TMEM181: variants seen among roughly 807,000 people sequenced by gnomAD.
TMEM181 encodes G protein-coupled receptor 178.
TMEM181 carries 39 observed loss-of-function variants against 71.9 expected under a neutral mutation model. The observed-to-expected ratio is 0.54, with a 90% CI of 0.42 to 0.71. The LOEUF is 0.71. Ranked by LOEUF, TMEM181 falls within the 30% of genes least tolerant of loss-of-function variation. The probability of loss-of-function intolerance (pLI) is 0.00; values close to 1 mark genes in which losing one functional copy is unlikely to be tolerated. For missense variants in TMEM181, 595 were observed against 583.0 expected, an observed-to-expected ratio of 1.02 and a Z score of -0.21; for synonymous variants, 245 against 228.8, an observed-to-expected ratio of 1.07 and a Z score of -0.64.
At chr6:158,554,267 G>A (rs557733851) in intron 1 of TMEM181, among the ~76,000 whole-genome samples, 53 of 152,114 alleles carry the variant, frequency 3.5e-4, no homozygotes, top group Admixed American at 2.5e-3. Context: ...TGTATTTTTA[G>A]TAGAGACGAG....
intron 10 of TMEM181, among the ~76,000 whole-genome samples, chr6:158,615,742 A>G (rs1166383861): frequency 1.3e-5 from 2 of 152,202 alleles, no homozygotes; most frequent in African/African-American, 2.4e-5. Flanking sequence ...CAAATAGGGA[A>G]TCCTTTCCCC....
At chr6:158,591,159 G>A (rs998898924) in intron 6 of TMEM181, among the ~76,000 whole-genome samples, 3 of 152,192 alleles carry the variant, frequency 2.0e-5, no homozygotes, top group African/African-American at 7.2e-5. Flanking sequence ...TACACAAAAT[G>A]AGTTTTTTTC....
intron 3 of TMEM181, 95 bp downstream of exon 3, chr6:158,581,090 T>A (rs1205272889): frequency 1.7e-6 from 2 of 1,202,226 alleles, no homozygotes; most frequent in Non-Finnish European, 2.4e-6. Flanking sequence ...TAAGGTAGCC[T>A]TCCCTTGCCT....
chr6:158,631,486 G>A, intron 16 of TMEM181, 97 bp downstream of exon 16: 1 of 1,337,520 alleles, frequency 7.5e-7, no homozygotes. Context: ...TTATTTTCAA[G>A]GTATGAAGGC....
intron 1 of TMEM181, 24 bp downstream of exon 1, chr6:158,560,256 G>C: frequency 2.0e-6 from 2 of 984,266 alleles, no homozygotes; most frequent in Non-Finnish European, 2.4e-6. Context: ...CGAGCGGGCG[G>C]GCTGGCTGGC....
chr6:158,625,269 G>C (rs998184112), intron 12 of TMEM181, 63 bp downstream of exon 12: 6 of 1,430,054 alleles, frequency 4.2e-6, no homozygotes, highest in Non-Finnish European at 4.9e-6. Context: ...GGGGGAAGAA[G>C]TGGTTGGAGT....
intron 6 of TMEM181, among the ~76,000 whole-genome samples, chr6:158,592,393 C>T (rs138840160): frequency 7.9e-5 from 12 of 152,192 alleles, no homozygotes; most frequent in Non-Finnish European, 1.6e-4. Flanking sequence ...GCCTGTAATC[C>T]CAGCACTTTG....
intron 6 of TMEM181, among the ~76,000 whole-genome samples, chr6:158,599,936 A>G (rs560647228): frequency 2.3e-4 from 35 of 152,292 alleles, no homozygotes; most frequent in African/African-American, 7.5e-4. Flanking sequence ...GAGTCAGAAC[A>G]TGTGGAAATG....
chr6:158,588,821 C>T (rs1282505528), intron 5 of TMEM181, among the ~76,000 whole-genome samples: 2 of 152,236 alleles, frequency 1.3e-5, no homozygotes, highest in East Asian at 3.8e-4. Flanking sequence ...ACATTCGAGG[C>T]TTGACCAGTC....
chr6:158,550,883 C>T (rs1781698731), intron 1 of TMEM181, among the ~76,000 whole-genome samples: 1 of 108,940 alleles, frequency 9.2e-6, no homozygotes. Flanking sequence ...GAGTGAGACT[C>T]TGTCTCAGGA....
At chr6:158,549,176 G>A (rs1365607702) in intron 1 of TMEM181, among the ~76,000 whole-genome samples, 1 of 148,456 alleles carries the variant, frequency 6.7e-6, no homozygotes, top group Non-Finnish European at 1.5e-5. Context: ...GGAGCCCAGT[G>A]GCGCGATCAC....
chr6:158,582,379 G>C (rs752899060), intron 3 of TMEM181, among the ~76,000 whole-genome samples: 1 of 152,174 alleles, frequency 6.6e-6, no homozygotes, highest in Non-Finnish European at 1.5e-5. Context: ...TTCCTGCCTT[G>C]ATGGTTTTTA....
At chr6:158,600,319 T>C (rs537012533) in intron 6 of TMEM181, among the ~76,000 whole-genome samples, 1 of 150,984 alleles carries the variant, frequency 6.6e-6, no homozygotes, top group East Asian at 2.0e-4. Context: ...CGCCACCACG[T>C]CTCTGTTTTT....
At chr6:158,537,208 C>T (rs1027409451) in intron 1 of TMEM181, among the ~76,000 whole-genome samples, 13 of 152,156 alleles carry the variant, frequency 8.5e-5, no homozygotes, top group African/African-American at 3.1e-4. Flanking sequence ...CGCCCCGCGT[C>T]GTTCTCCCCC....
chr6:158,631,088 C>T (rs965916181), intron 15 of TMEM181, among the ~76,000 whole-genome samples: 4 of 152,216 alleles, frequency 2.6e-5, no homozygotes, highest in Non-Finnish European at 5.9e-5. Context: ...CTGCTCCTTC[C>T]CACAGGCCGC....
intron 1 of TMEM181, among the ~76,000 whole-genome samples, chr6:158,550,296 T>C (rs11962128): frequency 0.62 from 93,483 of 150,852 alleles, 29,426 homozygotes; most frequent in African/African-American, 0.73. Flanking sequence ...CTGCCCGCCA[T>C]GGCCTCCCAA....
chr6:158,551,084 C>G (rs564875975), intron 1 of TMEM181, among the ~76,000 whole-genome samples: 3 of 151,632 alleles, frequency 2.0e-5, no homozygotes, highest in African/African-American at 7.3e-5. Flanking sequence ...CTCAGCCTCC[C>G]GAGTAGCTGG....
intron 5 of TMEM181, among the ~76,000 whole-genome samples, chr6:158,586,867 T>G (rs1285787861): frequency 2.6e-5 from 4 of 152,096 alleles, no homozygotes; most frequent in African/African-American, 7.2e-5. Context: ...AACGTGTGAG[T>G]GTGCCTTATG....
chr6:158,549,650 G>A (rs1260643590), intron 1 of TMEM181, among the ~76,000 whole-genome samples: 2 of 152,186 alleles, frequency 1.3e-5, no homozygotes, highest in African/African-American at 4.8e-5. Context: ...TCTGTGCGTA[G>A]TCAGGGCGGT....
Sources: allele counts gnomAD v4.1 joint callset (sites outside exome capture counted in the v4.1 genomes callset), GRCh38; gene constraint gnomAD v4.1.1; transcripts MANE v1.5; gene names NCBI Gene and HGNC (gene_info 2026-07-23, HGNC 2026-07-21).